RNF217: variants seen among roughly 807,000 people sequenced by gnomAD.
The protein encoded by RNF217 is E3 ubiquitin-protein ligase RNF217.
Under a neutral mutation model 57.8 loss-of-function variants are expected in RNF217, and 31 were observed. The observed-to-expected ratio is 0.54, with a 90% CI of 0.40 to 0.72. The LOEUF is 0.72. Among genes scored for constraint, RNF217 ranks in the 30% least tolerant of loss-of-function variants. RNF217 has a pLI of 0.00. For synonymous variants in RNF217, 313 were observed against 294.0 expected, an observed-to-expected ratio of 1.06 and a Z score of -0.66; for missense variants, 696 against 708.3, an observed-to-expected ratio of 0.98 and a Z score of 0.20.
At chr6:124,963,906 A>C (rs949477639) in intron 1 of RNF217, among the ~76,000 whole-genome samples, 9 of 152,224 alleles carry the variant, frequency 5.9e-5, no homozygotes, top group Non-Finnish European at 1.3e-4. Flanking sequence ...GTGAATGTTT[A>C]AAAAAATGTA....
At chr6:124,997,982 G>T (rs529663381) in intron 1 of RNF217, among the ~76,000 whole-genome samples, 1 of 152,062 alleles carries the variant, frequency 6.6e-6, no homozygotes, top group Non-Finnish European at 1.5e-5. Context: ...GCCTGACTCC[G>T]GCATTCCTTT....
At chr6:125,042,328 T>A (rs1786914015) in intron 1 of RNF217, among the ~76,000 whole-genome samples, 1 of 152,082 alleles carries the variant, frequency 6.6e-6, no homozygotes, top group Non-Finnish European at 1.5e-5. Context: ...ACAGACACTT[T>A]AAGAGACTCA....
intron 1 of RNF217, among the ~76,000 whole-genome samples, chr6:124,964,375 TC>T (rs1410568505): frequency 6.6e-6 from 1 of 152,204 alleles, no homozygotes. Context: ...TCTTATATTA[TC>T]TTACATGCAC....
At chr6:125,055,889 CTTG>C (rs557663951) in intron 2 of RNF217, among the ~76,000 whole-genome samples, 2 of 152,084 alleles carry the variant, frequency 1.3e-5, no homozygotes, top group Non-Finnish European at 2.9e-5. Context: ...TCTACTTCAA[CTTG>C]TTTTCTTTTA....
At chr6:125,075,143 T>C (rs1424028289) in intron 3 of RNF217, among the ~76,000 whole-genome samples, 3 of 152,156 alleles carry the variant, frequency 2.0e-5, no homozygotes, top group Admixed American at 2.0e-4. Flanking sequence ...CATTATGAGA[T>C]GGTTTTTGCA....
intron 1 of RNF217, among the ~76,000 whole-genome samples, chr6:125,043,695 TA>T (rs1453849808): frequency 6.6e-6 from 1 of 152,072 alleles, no homozygotes; most frequent in African/African-American, 2.4e-5. Flanking sequence ...TTCTAAAACG[TA>T]ATTTGAATTA....
chr6:125,057,815 G>T (rs1582761268), intron 2 of RNF217, 127 bp from the exon 3 acceptor site: 2 of 695,658 alleles, frequency 2.9e-6, no homozygotes, highest in Admixed American at 6.1e-5. Context: ...TGTAGTTTGA[G>T]TCTTATAGAG....
intron 1 of RNF217, among the ~76,000 whole-genome samples, chr6:124,970,199 C>A (rs1783712004): frequency 1.3e-5 from 2 of 152,170 alleles, no homozygotes; most frequent in South Asian, 4.2e-4. Flanking sequence ...ATATGCCTTT[C>A]CCTTTAAAAG....
chr6:125,046,642 T>TG (rs1787109788), intron 2 of RNF217: 1 of 455,898 alleles, frequency 2.2e-6, no homozygotes, highest in South Asian at 1.5e-5. Flanking sequence ...AAAGGCTGTT[T>TG]GGAGTCATCT....
chr6:124,975,607 G>C (rs571385809), intron 1 of RNF217, among the ~76,000 whole-genome samples: 1 of 151,966 alleles, frequency 6.6e-6, no homozygotes, highest in African/African-American at 2.4e-5. Flanking sequence ...ATTATTTTTT[G>C]TTTGTTTTTA....
chr6:125,026,310 G>T (rs1786078384), intron 1 of RNF217, among the ~76,000 whole-genome samples: 1 of 152,096 alleles, frequency 6.6e-6, no homozygotes, highest in East Asian at 1.9e-4. Flanking sequence ...TTCTTTCTGG[G>T]TGACCTTGGG....
chr6:124,984,885 A>C (rs1364283823), intron 1 of RNF217, among the ~76,000 whole-genome samples: 2 of 152,324 alleles, frequency 1.3e-5, no homozygotes, highest in East Asian at 3.9e-4. Context: ...ACAAAAGACA[A>C]TTCACATCTG....
rs1389091726 is a variant in RNF217 at position 124,962,548 on chromosome 6, G to A, written c.4G>A (p.Gly2Ser). 7 of 1,207,272 alleles carry A rather than the reference G, an allele frequency of 5.8e-6. No homozygotes were observed. The highest frequency in any genetic ancestry group is 5.1e-6 in the Non-Finnish European group (5 of 973,870). The allele number at this position is 1,207,272 out of a possible 1,614,324, so 74.8% of individuals were successfully genotyped here. Residue 2 changes from glycine (G) to serine (S), a missense_variant, in exon 1 of 6, where the codon GGC (glycine) becomes AGC (serine). This residue lies in a region of RNF217 where 465 missense variants were observed against 386.8 expected (regional missense o/e 1.20). Coordinates refer to ENST00000521654, the MANE Select transcript of RNF217 (RefSeq NM_001286398.3). This position sits in a 1 kb window ranked among gnomAD's most constrained non-coding sequence, Gnocchi z 4.6. M[G>S]EEQSTVSGGG... ...GCGGCGCGGGCCGCGGGCGGCGATG[G>A]GCGAGGAGCAGAGCACGGTGAGCGG...
chr6:125,090,326 C>T lies in RNF217; in HGVS notation c.*7389C>T, dbSNP rs1454915904. 1 of 151,872 alleles carries T rather than the reference C, an allele frequency of 6.6e-6. No individual in the cohort carries two copies. Among genetic ancestry groups the T allele is most frequent in the Non-Finnish European group, 1.5e-5 (1 of 67,884 alleles). 9.4% of individuals were successfully genotyped at this position (151,872 alleles called of 1,614,324 possible). A position where few individuals can be genotyped will look rare whatever the true frequency, so the allele number is the denominator to read the frequency against. ...CAGAAATGATTTTCTGTAGAAGGAA[C>T]ACAACAGTGATGTTAAAATGTTAAC... On this transcript the variant is annotated 3_prime_UTR_variant, in exon 6 of 6. Coordinates refer to ENST00000521654, the MANE Select transcript of RNF217 (RefSeq NM_001286398.3).
chr6:125,049,046 G>T (rs1425838027), intron 2 of RNF217, among the ~76,000 whole-genome samples: 1 of 152,012 alleles, frequency 6.6e-6, no homozygotes, highest in Admixed American at 6.6e-5. Flanking sequence ...ATGCCAGAAA[G>T]GCTTACCGTT....
At chr6:124,977,367 TAAAAC>T (rs1210356800) in intron 1 of RNF217, among the ~76,000 whole-genome samples, 1 of 152,200 alleles carries the variant, frequency 6.6e-6, no homozygotes, top group Non-Finnish European at 1.5e-5. Context: ...CAATAATTGT[TAAAAC>T]AAAGTATTAA....
chr6:124,998,670 G>A (rs545671260), intron 1 of RNF217, among the ~76,000 whole-genome samples: 9 of 152,124 alleles, frequency 5.9e-5, no homozygotes, highest in East Asian at 5.8e-4. Context: ...GCATGGTGGC[G>A]TGCACCTGTA....
chr6:125,025,825 G>A (rs749980596), intron 1 of RNF217, among the ~76,000 whole-genome samples: 6 of 152,192 alleles, frequency 3.9e-5, no homozygotes, highest in Non-Finnish European at 8.8e-5. Flanking sequence ...TCTCTTATGA[G>A]TGGGGAACAG....
chr6:125,063,745 A>G (rs1162780633), intron 3 of RNF217, among the ~76,000 whole-genome samples: 1 of 152,140 alleles, frequency 6.6e-6, no homozygotes, highest in Non-Finnish European at 1.5e-5. Flanking sequence ...AAAGTTGTAA[A>G]CAAGAGGTAA....
Sources: allele counts gnomAD v4.1 joint callset (sites outside exome capture counted in the v4.1 genomes callset), GRCh38; gene constraint gnomAD v4.1.1; regional missense constraint gnomAD v4.1.1; non-coding constraint Gnocchi (gnomAD v3.1); transcripts MANE v1.5; gene names NCBI Gene and HGNC (gene_info 2026-07-23, HGNC 2026-07-21).